Variants in PDIA5 observed in about 807,000 individuals in gnomAD.
PDIA5 encodes the protein protein disulfide isomerase family A member 5.
In PDIA5, 58 loss-of-function variants were observed where a neutral mutation model predicts 77.6. The observed-to-expected ratio is 0.75, with a 90% confidence interval of 0.61 to 0.93. The LOEUF (loss-of-function observed/expected upper bound fraction) is 0.93, where lower values mean the gene tolerates loss of function less well. PDIA5 is among the 40% of genes least tolerant of loss of function. The probability of loss-of-function intolerance (pLI) is 0.00; values close to 1 mark genes in which losing one functional copy is unlikely to be tolerated. For missense variants in PDIA5, 630 were observed against 647.7 expected (o/e 0.97, Z 0.30); for synonymous variants, 250 against 252.1 (o/e 0.99, Z 0.08).
At chr3:123,116,090 C>G in intron 7 of PDIA5, 141 bp from the exon 8 acceptor site, 1 of 716,066 alleles carries the variant, frequency 1.4e-6, no homozygotes, top group Middle Eastern at 2.4e-4. Flanking sequence ...TTTTGTGTCC[C>G]CAGGGTCTGG....
At chr3:123,080,687 T>C (rs893394486) in intron 1 of PDIA5, among the ~76,000 whole-genome samples, 2 of 152,208 alleles carry the variant, frequency 1.3e-5, no homozygotes, top group Admixed American at 6.5e-5. Context: ...CTTTGAAATA[T>C]CCCAGTTGGA....
chr3:123,124,171 T>C lies in PDIA5; in HGVS notation c.701+14T>C. 3 of 1,608,876 alleles carry C rather than the reference T, an allele frequency of 1.9e-6. No individual in the cohort carries two copies. Among genetic ancestry groups the C allele is most frequent in the Non-Finnish European group, 2.6e-6 (3 of 1,175,134 alleles). Reference sequence around the variant, plus strand: ...CTGCTATTTTGAGTACGTCCCCCACTTTCCTTCTAAAGCTCACCTCCCTCC... The same window carrying C: ...CTGCTATTTTGAGTACGTCCCCCACCTTCCTTCTAAAGCTCACCTCCCTCC... On this transcript the variant is annotated intron_variant, in intron 9 of 16. Transcript: ENST00000316218.
At chr3:123,084,662 G>GCTT (rs1380925086) in intron 1 of PDIA5, among the ~76,000 whole-genome samples, 3 of 152,174 alleles carry the variant, frequency 2.0e-5, no homozygotes, top group Non-Finnish European at 4.4e-5. Flanking sequence ...CTCTGCTGCT[G>GCTT]CTTCTCCGTT....
intron 7 of PDIA5, among the ~76,000 whole-genome samples, chr3:123,111,239 C>T (rs1246953337): frequency 2.0e-5 from 3 of 152,198 alleles, no homozygotes; most frequent in African/African-American, 7.2e-5. Flanking sequence ...GTCCTTCTAC[C>T]CTCTTTATCC....
At chr3:123,145,356 A>C in intron 11 of PDIA5, 166 bp from the exon 12 acceptor site, 1 of 589,554 alleles carries the variant, frequency 1.7e-6, no homozygotes, top group South Asian at 2.2e-5. Context: ...ACCCCAACCC[A>C]CTTCTGGTGG....
chr3:123,151,038 AG>A (rs1935881812), intron 14 of PDIA5, among the ~76,000 whole-genome samples: 1 of 152,242 alleles, frequency 6.6e-6, no homozygotes, highest in Admixed American at 6.5e-5. Flanking sequence ...TAAAAGCTGC[AG>A]TCTACAGAGA....
chr3:123,118,349 G>A (rs1177646786), intron 8 of PDIA5, among the ~76,000 whole-genome samples: 7 of 152,210 alleles, frequency 4.6e-5, no homozygotes, highest in Non-Finnish European at 8.8e-5. Flanking sequence ...ATTACCCACA[G>A]TATTCTCTCT....
chr3:123,161,288 C>T, intron 15 of PDIA5, 33 bp from the exon 16 acceptor site: 2 of 1,607,806 alleles, frequency 1.2e-6, no homozygotes, highest in Non-Finnish European at 1.7e-6. Flanking sequence ...CCTGGGGACA[C>T]CCTGTGCCAA....
rs1227150281 is a variant in PDIA5, at chr3:123,102,414, T to A, written c.261T>A (p.Asp87Glu). The A allele has an allele frequency of 6.2e-7, 1 of 1,613,052 alleles. No individual in the cohort carries two copies. Among genetic ancestry groups the A allele is most frequent in the Non-Finnish European group, 8.5e-7 (1 of 1,179,086 alleles). Residue 87 changes from aspartate (D) to glutamate (E), a missense_variant, in exon 4 of 17, where the codon GAT (aspartate) becomes GAA (glutamate). By Grantham distance (45) the Asp-to-Glu change is conservative (BLOSUM62 2). Transcript: ENST00000316218. ...TCCCAACATTTGTGTCTTCCAGTGA[T>A]GCAGAGAGTAGAAAATTGTGCAAGA... ...QGTICWVDCG[D>E]AESRKLCKKM... is the part of the protein sequence containing the mutation.
At chr3:123,157,468 C>G (rs1479122958) in intron 15 of PDIA5, among the ~76,000 whole-genome samples, 1 of 152,132 alleles carries the variant, frequency 6.6e-6, no homozygotes, top group Non-Finnish European at 1.5e-5. Context: ...GATCCAGGCC[C>G]AGAGAGGAGC....
In PDIA5 at chr3:123,130,472, T is replaced by C. The variant is rs772424984; in HGVS notation, c.774-8T>C. Reference sequence around the variant, plus strand: ...TGCTCTGAGCTCTGCCTGTTTTTGGTCTTCCAGTCCGCAGCCGCCACAGCC... The same window carrying C: ...TGCTCTGAGCTCTGCCTGTTTTTGGCCTTCCAGTCCGCAGCCGCCACAGCC... On this transcript the variant is annotated splice_region_variant and splice_polypyrimidine_tract_variant and intron_variant, in intron 10 of 16. Coordinates refer to ENST00000316218, the MANE Select transcript of PDIA5 (RefSeq NM_006810.4). 2 of 1,611,978 alleles carry C rather than the reference T, an allele frequency of 1.2e-6. No individual in the cohort carries two copies.
chr3:123,069,100 G>A (rs866281804), intron 1 of PDIA5, among the ~76,000 whole-genome samples: 7 of 152,230 alleles, frequency 4.6e-5, no homozygotes, highest in African/African-American at 9.7e-5. Context: ...TTGGCTTAGC[G>A]GGTAGGAGGT....
Position 123,150,288 on chromosome 3 carries a change from G to A in PDIA5, c.1197G>A (p.Val399=), listed in dbSNP as rs142828266. Residue 399 remains valine, a synonymous_variant, in exon 14 of 17, where the codon GTG becomes GTA. Coordinates refer to ENST00000316218, the MANE Select transcript of PDIA5 (RefSeq NM_006810.4). ...CGTGGGAAGAGCAGCAGACAAGCGTGTTGCACCTGGTGGGGGACAACTTCC... is the reference window on the plus strand; with the variant it reads ...CGTGGGAAGAGCAGCAGACAAGCGTATTGCACCTGGTGGGGGACAACTTCC... The part of the protein sequence containing the change: ...EPTWEEQQTS[V]LHLVGDNFRE... The A allele has an allele frequency of 2.8e-5, 45 of 1,613,678 alleles. No individual in the cohort carries two copies. Among genetic ancestry groups the A allele is most frequent in the Non-Finnish European group, 3.7e-5 (44 of 1,179,862 alleles).
intron 3 of PDIA5, among the ~76,000 whole-genome samples, chr3:123,097,700 C>T (rs1257933099): frequency 6.6e-6 from 1 of 152,102 alleles, no homozygotes; most frequent in African/African-American, 2.4e-5. Context: ...CCCCCTCCCC[C>T]TCCATTTTCT....
intron 7 of PDIA5, among the ~76,000 whole-genome samples, chr3:123,111,388 C>G (rs1296746903): frequency 6.6e-6 from 1 of 152,234 alleles, no homozygotes; most frequent in African/African-American, 2.4e-5. Flanking sequence ...AGAGCCTGGC[C>G]CGCCTCTGGG....
rs1935444219 is a variant in PDIA5 at position 123,134,441 on chromosome 3, AGGCT to A, written c.910+3827_910+3830del. 2.6e-5 allele frequency among the ~76,000 whole-genome samples: 4 copies of A among 152,170 alleles called. No homozygotes were observed. The South Asian group carries it at 8.3e-4, about 32-fold the overall frequency. On this transcript the variant is annotated intron_variant, in intron 11 of 16. Coordinates refer to ENST00000316218, the MANE Select transcript of PDIA5 (RefSeq NM_006810.4). ...GCCTGGAACTGATGGGATGCTTGTG[AGGCT>A]GCCCTGCTGGGCTCTCAGCAGGAAA... is the stretch of plus-strand genomic sequence containing the variant.
intron 11 of PDIA5, among the ~76,000 whole-genome samples, chr3:123,138,451 C>T (rs1433617159): frequency 6.6e-6 from 1 of 152,076 alleles, no homozygotes; most frequent in South Asian, 2.1e-4. Flanking sequence ...GAGTTGTTTA[C>T]CATATTTCCC....
chr3:123,136,226 C>T (rs905900827), intron 11 of PDIA5, among the ~76,000 whole-genome samples: 1 of 152,182 alleles, frequency 6.6e-6, no homozygotes, highest in African/African-American at 2.4e-5. Context: ...TGAGCCACTG[C>T]ACTTGGCCAC....
intron 11 of PDIA5, among the ~76,000 whole-genome samples, chr3:123,143,386 CAAA>C (rs34525470): frequency 2.9e-5 from 3 of 101,906 alleles, no homozygotes; most frequent in Non-Finnish European, 2.0e-5. Flanking sequence ...GACTCCATCT[CAAA>C]AAAAAAAAAA....
Sources: allele counts gnomAD v4.1 joint callset (sites outside exome capture counted in the v4.1 genomes callset), GRCh38; gene constraint gnomAD v4.1.1; transcripts MANE v1.5; gene names NCBI Gene and HGNC (gene_info 2026-07-23, HGNC 2026-07-21).